FBN2: variants seen among roughly 807,000 people sequenced by gnomAD.
FBN2 encodes fibrillin-2.
In FBN2, 105 loss-of-function variants were observed where a neutral mutation model predicts 355.6. That is an observed-to-expected ratio of 0.30 (90% confidence interval 0.25 to 0.35). The LOEUF (loss-of-function observed/expected upper bound fraction) is 0.35, where lower values mean the gene tolerates loss of function less well. Ranked by LOEUF, FBN2 falls within the 10% of genes least tolerant of loss-of-function variation. The pLI is 1.00. For missense variants in FBN2, 3,280 were observed against 3,758.7 expected, an observed-to-expected ratio of 0.87 and a Z score of 3.33; for synonymous variants, 1,350 against 1,301.2, an observed-to-expected ratio of 1.04 and a Z score of -0.81.
At chr5:128,488,909 A>G (rs1174189221) in intron 5 of FBN2, among the ~76,000 whole-genome samples, 1 of 152,116 alleles carries the variant, frequency 6.6e-6, no homozygotes, top group Middle Eastern at 3.4e-3. Flanking sequence ...ATTGTTGGAC[A>G]TTTGGGTTGG....
chr5:128,453,031 T>C lies in FBN2; in HGVS notation c.827-6425A>G, dbSNP rs144490065. Reference sequence around the variant, plus strand: ...AACTTTAAGGGCAGCAACTAAATAATAGGTCTATTTCTATTTGGAATCTGA... The same window carrying C: ...AACTTTAAGGGCAGCAACTAAATAACAGGTCTATTTCTATTTGGAATCTGA... On this transcript the variant is annotated intron_variant, in intron 6 of 64. Transcript: ENST00000262464. 1.5e-4 allele frequency among the ~76,000 whole-genome samples: 23 copies of C among 152,316 alleles called. No individual in the cohort carries two copies. In the East Asian group the frequency reaches 2.5e-3, roughly 17 times the overall value.
intron 62 of FBN2, among the ~76,000 whole-genome samples, chr5:128,269,794 C>T (rs1043658553): frequency 2.0e-5 from 3 of 152,138 alleles, no homozygotes; most frequent in Admixed American, 1.3e-4. Context: ...GTGAAAATGG[C>T]CATACTGCCC....
chr5:128,323,296 TGAATAG>T (rs1317308753), intron 34 of FBN2, among the ~76,000 whole-genome samples: 1 of 152,236 alleles, frequency 6.6e-6, no homozygotes, highest in African/African-American at 2.4e-5. Flanking sequence ...AATACTATGT[TGAATAG>T]GAGTGGTGAG....
At chr5:128,446,278 C>T (rs952441866) in intron 7 of FBN2, 3 of 494,426 alleles carry the variant, frequency 6.1e-6, no homozygotes, top group African/African-American at 1.9e-5. Context: ...AAACTAGATG[C>T]AAATGCTCAT....
intron 15 of FBN2, 38 bp from the exon 16 acceptor site, chr5:128,369,372 T>C (rs763121192): frequency 5.0e-6 from 8 of 1,610,652 alleles, no homozygotes; most frequent in Non-Finnish European, 6.8e-6. Flanking sequence ...GAGGCAGTGA[T>C]AGAGACAAAG....
intron 5 of FBN2, among the ~76,000 whole-genome samples, chr5:128,487,597 T>C (rs897867703): frequency 1.3e-5 from 2 of 152,214 alleles, no homozygotes; most frequent in Non-Finnish European, 2.9e-5. Context: ...GGATTTTAAA[T>C]GTGGTTATGG....
chr5:128,310,962 C>T (rs1056276480), intron 39 of FBN2, among the ~76,000 whole-genome samples: 3 of 152,088 alleles, frequency 2.0e-5, no homozygotes, highest in African/African-American at 7.2e-5. Flanking sequence ...AGTTAATGGT[C>T]ACATTTTAGC....
Position 128,305,618 on chromosome 5 carries a change from T to C in FBN2, c.5567A>G (p.Asn1856Ser), listed in dbSNP as rs780989245. ...ATTCCGCTGGCAGAGATTATCACCA[T>C]TGCTGCACTCATCTATATCTGAAAG... Reference protein sequence around the residue: ...LVCEDIDECSNGDNLCQRNAD... With the variant: ...LVCEDIDECSSGDNLCQRNAD... Residue 1856 changes from asparagine to serine, a missense_variant, in exon 44 of 65, where the codon AAT becomes AGT. Transcript: ENST00000262464. 1.5e-5 allele frequency: 24 copies of C among 1,613,946 alleles called. No homozygotes were observed. The South Asian group carries it at 2.5e-4, about 17-fold the overall frequency.
intron 7 of FBN2, chr5:128,442,390 ATACTT>A: frequency 2.2e-6 from 1 of 456,478 alleles, no homozygotes; most frequent in South Asian, 1.6e-5. Context: ...TCAAACGAAA[ATACTT>A]TATTGTACAA....
intron 53 of FBN2, among the ~76,000 whole-genome samples, chr5:128,288,101 A>G (rs1437726837): frequency 1.3e-5 from 2 of 152,228 alleles, no homozygotes; most frequent in Non-Finnish European, 2.9e-5. Flanking sequence ...ATTTCGAAGC[A>G]TATCATTCAC....
intron 5 of FBN2, among the ~76,000 whole-genome samples, chr5:128,516,464 C>T (rs1336626703): frequency 1.3e-5 from 2 of 151,626 alleles, no homozygotes; most frequent in Non-Finnish European, 2.9e-5. Flanking sequence ...AGGTTACCCA[C>T]ACTCAGACTC....
chr5:128,456,848 G>A (rs892117859), intron 6 of FBN2, among the ~76,000 whole-genome samples: 1 of 151,810 alleles, frequency 6.6e-6, no homozygotes, highest in Non-Finnish European at 1.5e-5. Flanking sequence ...AGATGAGAAA[G>A]AATCAATGAA....
rs750406193 is a variant in FBN2 at position 128,374,682 on chromosome 5, G to A, written c.2041C>T (p.Arg681Cys). 23 of 1,613,834 alleles carry A rather than the reference G, an allele frequency of 1.4e-5. 1 individual carries two copies. The highest frequency in any genetic ancestry group is 2.2e-5 in the East Asian group (1 of 44,888). The change falls in exon 15 of 65, where the codon CGC becomes TGC. Residue 681 changes from arginine to cysteine, a missense_variant. By Grantham distance (180) the Arg-to-Cys change is radical. Transcript: ENST00000262464. ...GHCINSEGSF[R>C]CDCPPGLAVG... ...GCCAGGCCTGGGGGACAGTCACAGC[G>A]GAAGGACCCTTCACTGTTGATGCAG...
At chr5:128,371,532 CTTCT>C (rs1425493236) in intron 15 of FBN2, among the ~76,000 whole-genome samples, 19 of 141,158 alleles carry the variant, frequency 1.3e-4, no homozygotes, top group East Asian at 2.2e-4. Flanking sequence ...TCCTTCCTTC[CTTCT>C]GTTTTTTTTT....
At chr5:128,260,223 GTAC>G (rs1764931028) in intron 64 of FBN2, among the ~76,000 whole-genome samples, 1 of 151,812 alleles carries the variant, frequency 6.6e-6, no homozygotes, top group Non-Finnish European at 1.5e-5. Flanking sequence ...AAAATAAGAA[GTAC>G]TGCTGTTGGG....
chr5:128,316,207 A>T (rs1439722385), intron 36 of FBN2, among the ~76,000 whole-genome samples: 1 of 152,204 alleles, frequency 6.6e-6, no homozygotes, highest in Admixed American at 6.5e-5. Flanking sequence ...AAACAGTGAC[A>T]TTTTATTTCA....
intron 7 of FBN2, among the ~76,000 whole-genome samples, chr5:128,410,390 G>A (rs1753032804): frequency 6.6e-6 from 1 of 152,022 alleles, no homozygotes. Flanking sequence ...TCTGGATAAG[G>A]AAGAGAAAAA....
intron 2 of FBN2, among the ~76,000 whole-genome samples, chr5:128,534,601 G>A (rs192128516): frequency 6.6e-5 from 10 of 152,248 alleles, no homozygotes; most frequent in South Asian, 2.1e-4. Flanking sequence ...TTTCTGATAC[G>A]TGTAAATTCC....
At chr5:128,447,106 G>A (rs77653129) in intron 6 of FBN2, among the ~76,000 whole-genome samples, 5 of 152,114 alleles carry the variant, frequency 3.3e-5, no homozygotes, top group Non-Finnish European at 7.3e-5. Flanking sequence ...ATCTTCGTAA[G>A]CTGAGGATGT....
Sources: gnomAD v4.1 joint callset for allele counts (sites outside exome capture counted in the v4.1 genomes callset) on GRCh38, gnomAD v4.1.1 for gene constraint, MANE v1.5 for transcripts, NCBI Gene and HGNC (gene_info 2026-07-23, HGNC 2026-07-21) for gene names.